Variants in LHFPL3 observed in about 807,000 individuals in gnomAD.
The protein encoded by LHFPL3 is LHFPL tetraspan subfamily member 3 protein.
A neutral mutation model predicts 19.3 loss-of-function variants in LHFPL3; 5 were observed. That is an observed-to-expected ratio of 0.26 (90% CI 0.14 to 0.54). LHFPL3 has a LOEUF of 0.54. LHFPL3 is among the 20% of genes least tolerant of loss of function. LHFPL3 has a pLI of 0.94. For missense variants in LHFPL3, 249 were observed against 307.4 expected, an observed-to-expected ratio of 0.81 and a Z score of 1.42; for synonymous variants, 133 against 126.2, an observed-to-expected ratio of 1.05 and a Z score of -0.36.
At position 104,336,636 on chromosome 7, in the gene LHFPL3, T is replaced by C. The variant is rs183920315; in HGVS notation, c.445+7412T>C. Among the ~76,000 whole-genome samples, 929 of 152,300 alleles carry C rather than the reference T, an allele frequency of 6.1e-3. 8 individuals carry two copies. Among genetic ancestry groups the C allele is most frequent in the African/African-American group, 0.02 (852 of 41,570 alleles). On this transcript the variant is annotated intron_variant, in intron 1 of 2. Coordinates refer to ENST00000424859, the MANE Select transcript of LHFPL3 (RefSeq NM_199000.3). The stretch of plus-strand genomic sequence containing the variant: ...AAAGCAAACCTTTTGGAAATAGAGT[T>C]GCTGGCACAGAATTGCCATACTTGA...
chr7:104,819,390 A>C (rs879704135), intron 2 of LHFPL3, among the ~76,000 whole-genome samples: 1,839 of 152,040 alleles, frequency 0.012, 23 homozygotes, highest in Non-Finnish European at 0.02. Context: ...AAAAAAAAAA[A>C]AAAAACCTGC....
chr7:104,713,853 T>TAA (rs1164198597), intron 1 of LHFPL3, among the ~76,000 whole-genome samples: 1 of 151,694 alleles, frequency 6.6e-6, no homozygotes, highest in Non-Finnish European at 1.5e-5. Context: ...AAATAGAGAG[T>TAA]CCCAAGGGGA....
At chr7:104,755,659 G>GT in intron 2 of LHFPL3, among the ~76,000 whole-genome samples, 2 of 151,890 alleles carry the variant, frequency 1.3e-5, no homozygotes, top group Middle Eastern at 3.4e-3. Context: ...TGTAGTATTA[G>GT]TTTTTTGGTG....
rs550842801 is a variant in LHFPL3, at chr7:104,466,856, G to A, written c.445+137632G>A. Among the ~76,000 whole-genome samples the A allele has an allele frequency of 9.0e-4, 137 of 152,302 alleles. 1 individual carries two copies. Among genetic ancestry groups the A allele is most frequent in the African/African-American group, 3.2e-3 (133 of 41,562 alleles). ...TGCCCAGAATCAGCATCTGCGGTAA[G>A]AGTTCTGATTTCCATGCTTTTCTTT... On this transcript the variant is annotated intron_variant, in intron 1 of 2. Coordinates refer to ENST00000424859, the MANE Select transcript of LHFPL3 (RefSeq NM_199000.3).
intron 1 of LHFPL3, among the ~76,000 whole-genome samples, chr7:104,446,266 G>A (rs1169341613): frequency 6.6e-6 from 1 of 152,168 alleles, no homozygotes; most frequent in African/African-American, 2.4e-5. Flanking sequence ...GAGGAAGGGG[G>A]CAGATTGAAA....
At chr7:104,376,711 G>A (rs987889329) in intron 1 of LHFPL3, among the ~76,000 whole-genome samples, 7 of 152,040 alleles carry the variant, frequency 4.6e-5, no homozygotes, top group African/African-American at 1.7e-4. Flanking sequence ...TACACTTCAC[G>A]GGCCAGGCTC....
chr7:104,502,059 G>A (rs978578323), intron 1 of LHFPL3, among the ~76,000 whole-genome samples: 1 of 152,112 alleles, frequency 6.6e-6, no homozygotes, highest in African/African-American at 2.4e-5. Flanking sequence ...ATACCTACAA[G>A]AAAAAAATGA....
chr7:104,522,829 A>G (rs1042258380), intron 1 of LHFPL3, among the ~76,000 whole-genome samples: 6 of 152,134 alleles, frequency 3.9e-5, no homozygotes, highest in African/African-American at 7.2e-5. Flanking sequence ...TTGAAAAAAG[A>G]AGGAGAGATC....
intron 1 of LHFPL3, among the ~76,000 whole-genome samples, chr7:104,591,355 A>T (rs898466601): frequency 1.3e-5 from 2 of 152,138 alleles, no homozygotes; most frequent in African/African-American, 2.4e-5. Flanking sequence ...AAAGTATTTT[A>T]TTTCTCCTTC....
chr7:104,565,516 A>G (rs1312133603), intron 1 of LHFPL3, among the ~76,000 whole-genome samples: 1 of 152,246 alleles, frequency 6.6e-6, no homozygotes, highest in Non-Finnish European at 1.5e-5. Context: ...AGAGAAGAGA[A>G]GGAATTGACA....
intron 1 of LHFPL3, among the ~76,000 whole-genome samples, chr7:104,603,542 A>C (rs752840415): frequency 6.6e-6 from 1 of 152,194 alleles, no homozygotes. Flanking sequence ...TCAAAAGCTC[A>C]AAGTCCAAAG....
chr7:104,675,859 A>C (rs1401930560), intron 1 of LHFPL3, among the ~76,000 whole-genome samples: 1 of 152,072 alleles, frequency 6.6e-6, no homozygotes, highest in Non-Finnish European at 1.5e-5. Context: ...CCTTTTAGAT[A>C]TATTACATTT....
At chr7:104,564,547 C>G (rs1221492379) in intron 1 of LHFPL3, among the ~76,000 whole-genome samples, 1 of 152,116 alleles carries the variant, frequency 6.6e-6, no homozygotes, top group Non-Finnish European at 1.5e-5. Flanking sequence ...ATCTGATCAT[C>G]TAAATAAAAG....
chr7:104,689,313 G>C (rs920516621), intron 1 of LHFPL3, among the ~76,000 whole-genome samples: 7 of 152,192 alleles, frequency 4.6e-5, no homozygotes, highest in Admixed American at 1.3e-4. Context: ...CAGAGGCAAA[G>C]CAGCAATCAG....
intron 1 of LHFPL3, among the ~76,000 whole-genome samples, chr7:104,735,907 G>C (rs970676194): frequency 2.6e-5 from 4 of 152,212 alleles, no homozygotes; most frequent in Non-Finnish European, 1.5e-5. Flanking sequence ...GCATAACTTG[G>C]CTATTGTGAA....
rs150624140 is a variant in LHFPL3 at position 104,801,213 on chromosome 7, A to C, written c.682+64302A>C. On this transcript the variant is annotated intron_variant, in intron 2 of 2. Transcript: ENST00000424859. ...TATGGCTGAAATGGTGCACAGAAGC[A>C]ACAGGTGACCCCAAGGACCAAGCAT... is the stretch of plus-strand genomic sequence containing the variant. 3.5e-3 allele frequency among the ~76,000 whole-genome samples: 539 copies of C among 152,334 alleles called. 4 individuals are homozygous for C. Among genetic ancestry groups the C allele is most frequent in the African/African-American group, 0.012 (501 of 41,588 alleles).
rs568918477 is a variant in LHFPL3 at position 104,484,070 on chromosome 7, G to A, written c.445+154846G>A. ...CCAATTATAATATTCCTGGGGATTT[G>A]CATTTTTAATTCCTTTCCCTTTCTT... On this transcript the variant is annotated intron_variant, in intron 1 of 2. Coordinates refer to ENST00000424859, the MANE Select transcript of LHFPL3 (RefSeq NM_199000.3). 3.3e-5 allele frequency among the ~76,000 whole-genome samples: 5 copies of A among 152,086 alleles called. No individual in the cohort carries two copies. In the East Asian group the frequency reaches 9.6e-4, roughly 29 times the overall value.
chr7:104,494,979 A>T, intron 1 of LHFPL3, among the ~76,000 whole-genome samples: 1 of 152,042 alleles, frequency 6.6e-6, no homozygotes, highest in Middle Eastern at 3.4e-3. Context: ...ACCAGTTTCC[A>T]CTTCCAAACC....
At chr7:104,734,404 G>T (rs375162324) in intron 1 of LHFPL3, among the ~76,000 whole-genome samples, 3 of 152,324 alleles carry the variant, frequency 2.0e-5, no homozygotes, top group East Asian at 1.9e-4. Context: ...ATTTCTTGGA[G>T]ACCTTGTTCG....
Sources: gnomAD v4.1 joint callset for allele counts (sites outside exome capture counted in the v4.1 genomes callset) on GRCh38, gnomAD v4.1.1 for gene constraint, MANE v1.5 for transcripts, NCBI Gene and HGNC (gene_info 2026-07-23, HGNC 2026-07-21) for gene names.